GRM5: variants seen among roughly 807,000 people sequenced by gnomAD.
GRM5 encodes the protein glutamate metabotropic receptor 5.
GRM5 carries 19 observed loss-of-function variants against 83.1 expected under a neutral mutation model. That is an observed-to-expected ratio of 0.23 (90% confidence interval 0.16 to 0.34). GRM5 has a LOEUF of 0.34. Among genes scored for constraint, GRM5 ranks in the 10% least tolerant of loss-of-function variants. The pLI, the probability that GRM5 is intolerant of heterozygous loss-of-function variation, is 1.00. For missense variants in GRM5, 1,160 were observed against 1,588.3 expected (o/e 0.73, Z 4.58); for synonymous variants, 675 against 633.6 (o/e 1.07, Z -0.98).
At chr11:88,538,825 A>C (rs2135128033) in intron 8 of GRM5, among the ~76,000 whole-genome samples, 1 of 152,366 alleles carries the variant, frequency 6.6e-6, no homozygotes, top group South Asian at 2.1e-4. Flanking sequence ...CAGGAGATCA[A>C]GTGATTTGCC....
chr11:88,674,445 C>G (rs1165191206), intron 3 of GRM5, among the ~76,000 whole-genome samples: 1 of 151,848 alleles, frequency 6.6e-6, no homozygotes, highest in East Asian at 1.9e-4. Context: ...TCTTCCTGTG[C>G]TCTAGATTAA....
At chr11:89,036,734 G>C (rs1222420810) in intron 2 of GRM5, among the ~76,000 whole-genome samples, 2 of 145,760 alleles carry the variant, frequency 1.4e-5, no homozygotes, top group African/African-American at 5.1e-5. Context: ...ATTTGCCTGG[G>C]TTCATCCTAC....
intron 2 of GRM5, among the ~76,000 whole-genome samples, chr11:88,987,496 G>A (rs1182435650): frequency 3.2e-4 from 48 of 152,018 alleles, no homozygotes; most frequent in African/African-American, 1.1e-3. Flanking sequence ...CTCGAACTGG[G>A]TGGAGCCCAC....
intron 2 of GRM5, among the ~76,000 whole-genome samples, chr11:88,896,628 G>T (rs541263953): frequency 1.3e-5 from 2 of 151,960 alleles, no homozygotes; most frequent in African/African-American, 4.8e-5. Flanking sequence ...CAGTTCTGAG[G>T]ACCAGAGGGC....
intron 1 of GRM5, among the ~76,000 whole-genome samples, chr11:89,054,808 G>A (rs560102159): frequency 1.3e-5 from 2 of 152,272 alleles, no homozygotes; most frequent in African/African-American, 4.8e-5. Context: ...GAAATATTAT[G>A]GGTGGGCATG....
intron 2 of GRM5, among the ~76,000 whole-genome samples, chr11:88,953,176 T>C (rs566140260): frequency 1.3e-5 from 2 of 152,350 alleles, no homozygotes; most frequent in African/African-American, 4.8e-5. Context: ...GACTCGTGTT[T>C]ATTGTTTGCG....
chr11:88,649,063 A>G (rs998957314), intron 4 of GRM5, among the ~76,000 whole-genome samples: 23 of 145,246 alleles, frequency 1.6e-4, no homozygotes, highest in Non-Finnish European at 2.6e-4. Flanking sequence ...TATAATATAT[A>G]TATTATAATA....
chr11:89,003,754 T>C (rs1361158960), intron 2 of GRM5, among the ~76,000 whole-genome samples: 2 of 152,118 alleles, frequency 1.3e-5, no homozygotes, highest in African/African-American at 4.8e-5. Context: ...AGAAGTAAAT[T>C]GAAGCTATAT....
chr11:88,640,784 G>A (rs61902047), intron 4 of GRM5, among the ~76,000 whole-genome samples: 1 of 152,048 alleles, frequency 6.6e-6, no homozygotes, highest in African/African-American at 2.4e-5. Context: ...TGAGGTATAG[G>A]GGGAGGGGTG....
At chr11:88,525,167 C>T in intron 9 of GRM5, 142 bp downstream of exon 9, 3 of 650,784 alleles carry the variant, frequency 4.6e-6, no homozygotes, top group Non-Finnish European at 8.3e-6. Context: ...ATCAAACACA[C>T]ATAGAAAACC....
chr11:89,015,135 C>T (rs749668409), intron 2 of GRM5, among the ~76,000 whole-genome samples: 1 of 152,190 alleles, frequency 6.6e-6, no homozygotes. Flanking sequence ...TGAACTTGGA[C>T]TCGTCACTTA....
intron 2 of GRM5, among the ~76,000 whole-genome samples, chr11:88,866,563 A>G (rs1332885482): frequency 6.6e-6 from 1 of 151,898 alleles, no homozygotes; most frequent in Non-Finnish European, 1.5e-5. Flanking sequence ...AAAAATAAAT[A>G]CATAAAAATA....
At chr11:88,709,079 T>A (rs1221666710) in intron 3 of GRM5, among the ~76,000 whole-genome samples, 1 of 151,920 alleles carries the variant, frequency 6.6e-6, no homozygotes, top group African/African-American at 2.4e-5. Context: ...AAGATGAAAA[T>A]GGTAAGTACT....
intron 2 of GRM5, among the ~76,000 whole-genome samples, chr11:89,012,745 G>A (rs1488434128): frequency 6.6e-6 from 1 of 152,144 alleles, no homozygotes; most frequent in East Asian, 1.9e-4. Context: ...AACGTTAAAA[G>A]AGCCTCACCA....
Position 89,013,577 on chromosome 11 carries a change from C to T in GRM5, c.661+33635G>A, listed in dbSNP as rs147266637. 2.5e-3 allele frequency among the ~76,000 whole-genome samples: 377 copies of T among 152,206 alleles called. 10 individuals carry two copies. The East Asian group carries it at 0.062, about 25-fold the overall frequency. On this transcript the variant is annotated intron_variant, in intron 2 of 9. Coordinates refer to ENST00000305447, the MANE Select transcript of GRM5 (RefSeq NM_001143831.3). ...CAATTCTGTGTATTTTGAAGCACTC[C>T]GAAATCTTTATGAGGGCAGACTTGC... is the stretch of plus-strand genomic sequence containing the variant.
At chr11:88,869,400 AC>A (rs1490273535) in intron 2 of GRM5, among the ~76,000 whole-genome samples, 1 of 151,474 alleles carries the variant, frequency 6.6e-6, no homozygotes, top group African/African-American at 2.4e-5. Flanking sequence ...AAAAAATGGT[AC>A]CTGTCCAGTT....
chr11:88,565,203 G>A (rs926124723), intron 8 of GRM5, among the ~76,000 whole-genome samples: 1 of 152,208 alleles, frequency 6.6e-6, no homozygotes, highest in Non-Finnish European at 1.5e-5. Context: ...GATGCTGCCA[G>A]TATTTAATCC....
intron 1 of GRM5, among the ~76,000 whole-genome samples, chr11:89,050,475 G>A (rs2135155468): frequency 6.6e-6 from 1 of 152,198 alleles, no homozygotes; most frequent in East Asian, 1.9e-4. Flanking sequence ...CTGAAACCTG[G>A]TGAATACAAA....
intron 2 of GRM5, among the ~76,000 whole-genome samples, chr11:88,961,751 C>A (rs967998684): frequency 6.6e-6 from 1 of 152,156 alleles, no homozygotes; most frequent in African/African-American, 2.4e-5. Context: ...GCATTCCCTT[C>A]ATTTTAATGG....
Sources: allele counts gnomAD v4.1 joint callset (sites outside exome capture counted in the v4.1 genomes callset), GRCh38; gene constraint gnomAD v4.1.1; transcripts MANE v1.5; gene names NCBI Gene and HGNC (gene_info 2026-07-23, HGNC 2026-07-21).